The following GNA11 variants were observed in gnomAD, a reference collection of about 807,000 sequenced individuals.
The protein encoded by GNA11 is guanine nucleotide-binding protein subunit alpha-11.
Under a neutral mutation model 38.2 loss-of-function variants are expected in GNA11, and 8 were observed. That is an observed-to-expected ratio of 0.21 (90% CI 0.12 to 0.38). The LOEUF is 0.38. Ranked by LOEUF, GNA11 falls within the 10% of genes least tolerant of loss-of-function variation. The probability of loss-of-function intolerance (pLI) is 1.00; values close to 1 mark genes in which losing one functional copy is unlikely to be tolerated. For synonymous variants in GNA11, 211 were observed against 221.4 expected (o/e 0.95, Z 0.42); for missense variants, 268 against 516.3 (o/e 0.52, Z 4.66).
At chr19:3,105,700 C>G (rs1913623613) in intron 1 of GNA11, among the ~76,000 whole-genome samples, 1 of 152,186 alleles carries the variant, frequency 6.6e-6, no homozygotes, top group African/African-American at 2.4e-5. Context: ...GTGCGTTGCC[C>G]TTGGGGTGGC....
chr19:3,108,851 C>G lies in GNA11; in HGVS notation c.137-1298C>G, dbSNP rs1913697497. On this transcript the variant is annotated intron_variant, in intron 1 of 6. Transcript: ENST00000078429. This position sits in a 1 kb window ranked among gnomAD's most constrained non-coding sequence, Gnocchi z 4.5. Reference sequence around the variant, plus strand: ...AAGGCTGGACTGGAGCTGGAGGAGCCACTCACAAGTTGGCTCCCTCTAGTG... The same window carrying G: ...AAGGCTGGACTGGAGCTGGAGGAGCGACTCACAAGTTGGCTCCCTCTAGTG... Among the ~76,000 whole-genome samples the G allele has an allele frequency of 6.6e-6, 1 of 152,058 alleles. No individual in the cohort carries two copies. The highest frequency in any genetic ancestry group is 2.4e-5 in the African/African-American group (1 of 41,380).
chr19:3,120,850 C>T lies in GNA11; in HGVS notation c.890-139C>T. ...GGGAGGGAGGGGAGCTGCGGCCCGT[C>T]AGGCATGCAGTGGGCTGGGGGTCGA... is the stretch of plus-strand genomic sequence containing the variant. On this transcript the variant is annotated intron_variant, in intron 6 of 6. Coordinates refer to ENST00000078429, the MANE Select transcript of GNA11 (RefSeq NM_002067.5). The surrounding 1 kb of genome is among the most constrained non-coding windows in gnomAD (Gnocchi z 5.9). The T allele has an allele frequency of 1.6e-6, 1 of 612,288 alleles. No individual in the cohort carries two copies. The highest frequency in any genetic ancestry group is 2.9e-6 in the Non-Finnish European group (1 of 348,458). The allele number at this position is 612,288 out of a possible 1,614,324, so 37.9% of individuals were successfully genotyped here.
chr19:3,099,826 C>G (rs963832455), intron 1 of GNA11, among the ~76,000 whole-genome samples: 3 of 152,224 alleles, frequency 2.0e-5, no homozygotes, highest in Non-Finnish European at 4.4e-5. Flanking sequence ...GGGCCACCTG[C>G]AGGGCCTGGG....
At chr19:3,098,017 C>T (rs935711872) in intron 1 of GNA11, among the ~76,000 whole-genome samples, 6 of 152,234 alleles carry the variant, frequency 3.9e-5, no homozygotes, top group Admixed American at 6.5e-5. Context: ...GTAAAATGCT[C>T]GTGGCAAAGC....
At position 3,123,255 on chromosome 19, in the gene GNA11, G is replaced by T; in HGVS notation, c.*2076G>T. ...GGGGCGCTGCGGGGCTAAGTATTAGGCCTTCCCAGGGAGGGGGCGTGCCAA... is the reference window on the plus strand; with the variant it reads ...GGGGCGCTGCGGGGCTAAGTATTAGTCCTTCCCAGGGAGGGGGCGTGCCAA... On this transcript the variant is annotated 3_prime_UTR_variant, in exon 7 of 7. Coordinates refer to ENST00000078429, the MANE Select transcript of GNA11 (RefSeq NM_002067.5). The T allele has an allele frequency of 4.3e-6, 1 of 233,374 alleles. No individual in the cohort carries two copies. Among genetic ancestry groups the T allele is most frequent in the Non-Finnish European group, 8.5e-6 (1 of 118,110 alleles). The allele number at this position is 233,374 out of a possible 1,614,324, so 14.5% of individuals were successfully genotyped here. A position where few individuals can be genotyped will look rare whatever the true frequency, so the allele number is the denominator to read the frequency against.
In GNA11 at chr19:3,110,335, T is replaced by C. The variant is rs866002209; in HGVS notation, c.321+2T>C. On this transcript the variant is annotated splice_donor_variant, in intron 2 of 6. Transcript: ENST00000078429. LOFTEE classifies it high-confidence loss of function. The surrounding 1 kb of genome is among the most constrained non-coding windows in gnomAD (Gnocchi z 5.4). ...CTCTACAAGTACGAGCAGAACAAGG[T>C]GAGCCCGCGGGCGCCTGGGGAGGGG... 6.2e-7 allele frequency: 1 copy of C among 1,601,986 alleles called. No homozygotes were observed. The highest frequency in any genetic ancestry group is 1.1e-5 in the South Asian group (1 of 88,552).
In GNA11 at chr19:3,119,266, A is replaced by G; in HGVS notation, c.796A>G (p.Asn266Asp). 1.2e-6 allele frequency: 2 copies of G among 1,613,844 alleles called. No individual in the cohort carries two copies. The highest frequency in any genetic ancestry group is 1.1e-5 in the South Asian group (1 of 91,084). Residue 266 changes from asparagine to aspartate, a missense_variant, in exon 6 of 7, where the codon AAC becomes GAC. Physicochemically the swap from Asn to Asp is conservative, Grantham distance 23. This residue lies in a region of GNA11 where 92 missense variants were observed against 166.7 expected (regional missense o/e 0.55). Coordinates refer to ENST00000078429, the MANE Select transcript of GNA11 (RefSeq NM_002067.5). The surrounding 1 kb of genome is among the most constrained non-coding windows in gnomAD (Gnocchi z 4.6). ...CATCATCACCTACCCCTGGTTCCAG[A>G]ACTCCTCCGTCATCCTCTTCCTCAA... ...RTIITYPWFQ[N>D]SSVILFLNKK...
chr19:3,095,429 C>A (rs113367320), intron 1 of GNA11, among the ~76,000 whole-genome samples: 1 of 151,978 alleles, frequency 6.6e-6, no homozygotes, highest in Non-Finnish European at 1.5e-5. Flanking sequence ...GCACACTCAC[C>A]CCTCACTGCT....
At chr19:3,114,331 A>G (rs1913852826) in intron 3 of GNA11, among the ~76,000 whole-genome samples, 1 of 152,176 alleles carries the variant, frequency 6.6e-6, no homozygotes, top group South Asian at 2.1e-4. Context: ...CAAAAACGGG[A>G]AACTGTCCCA....
chr19:3,094,545 G>A lies in GNA11; in HGVS notation c.-107G>A, dbSNP rs1913311824. 3.0e-6 allele frequency: 1 copy of A among 330,406 alleles called. No homozygotes were observed. The highest frequency in any genetic ancestry group is 4.2e-6 in the Non-Finnish European group (1 of 236,098). 20.5% of individuals were successfully genotyped at this position (330,406 alleles called of 1,614,324 possible). A position where few individuals can be genotyped will look rare whatever the true frequency, so the allele number is the denominator to read the frequency against. On this transcript the variant is annotated 5_prime_UTR_variant, in exon 1 of 7. Transcript: ENST00000078429. The surrounding 1 kb of genome is among the most constrained non-coding windows in gnomAD (Gnocchi z 6.0). ...CCCGGGGCCGAGGGCCGGTGGCCGAGGCCGGAGGGCCGCGGCGGGCGGCGG... is the reference window on the plus strand; with the variant it reads ...CCCGGGGCCGAGGGCCGGTGGCCGAAGCCGGAGGGCCGCGGCGGGCGGCGG...
chr19:3,121,601 C>G lies in GNA11; in HGVS notation c.*422C>G, dbSNP rs978909660. 1.2e-4 allele frequency: 29 copies of G among 234,104 alleles called. No homozygotes were observed. Among genetic ancestry groups the G allele is most frequent in the Non-Finnish European group, 1.9e-4 (23 of 118,822 alleles). 14.5% of individuals were successfully genotyped at this position (234,104 alleles called of 1,614,324 possible). A position where few individuals can be genotyped will look rare whatever the true frequency, so the allele number is the denominator to read the frequency against. On this transcript the variant is annotated 3_prime_UTR_variant, in exon 7 of 7. Coordinates refer to ENST00000078429, the MANE Select transcript of GNA11 (RefSeq NM_002067.5). ...TGCAGCCAGTCACGCGCCCCCACAC[C>G]GCAGCCCCCCGTGGCTGTCCTTCCA...
At position 3,094,834 on chromosome 19, in the gene GNA11, G is replaced by A. The variant is rs767983484; in HGVS notation, c.136+47G>A. 7.1e-7 allele frequency: 1 copy of A among 1,410,734 alleles called. No individual in the cohort carries two copies. The highest frequency in any genetic ancestry group is 9.4e-7 in the Non-Finnish European group (1 of 1,064,416). 87.4% of individuals were successfully genotyped at this position (1,410,734 alleles called of 1,614,324 possible). A position where few individuals can be genotyped will look rare whatever the true frequency, so the allele number is the denominator to read the frequency against. ...GCCGGCTGCGGGCCCTGCCCTGCCT[G>A]TGCCTGCCCTGCCTGTCCGGGTCGG... is the stretch of plus-strand genomic sequence containing the variant. On this transcript the variant is annotated intron_variant, in intron 1 of 6. Transcript: ENST00000078429. This position sits in a 1 kb window ranked among gnomAD's most constrained non-coding sequence, Gnocchi z 6.0.
intron 1 of GNA11, among the ~76,000 whole-genome samples, chr19:3,095,558 C>T (rs989150304): frequency 1.3e-5 from 2 of 151,980 alleles, no homozygotes; most frequent in African/African-American, 4.8e-5. Flanking sequence ...TCCGTGTCCC[C>T]TATCCCCACA....
chr19:3,103,137 G>A (rs1421552865), intron 1 of GNA11, among the ~76,000 whole-genome samples: 2 of 152,166 alleles, frequency 1.3e-5, no homozygotes, highest in East Asian at 1.9e-4. Context: ...CCCAGGTGTC[G>A]GCTCCCAGGT....
intron 3 of GNA11, among the ~76,000 whole-genome samples, chr19:3,114,694 T>C (rs1442324409): frequency 2.0e-5 from 3 of 152,180 alleles, no homozygotes; most frequent in Admixed American, 2.0e-4. Context: ...CCTGGGACTT[T>C]CTCTTGTGCT....
intron 4 of GNA11, 168 bp from the exon 5 acceptor site, chr19:3,118,756 C>T (rs898165952): frequency 3.0e-5 from 19 of 630,348 alleles, no homozygotes; most frequent in Non-Finnish European, 4.7e-5. Flanking sequence ...GGAGGCGGTG[C>T]GGCCGCTCTC....
In GNA11 at chr19:3,119,667, T is replaced by G. The variant is rs1014306307; in HGVS notation, c.889+308T>G. On this transcript the variant is annotated intron_variant, in intron 6 of 6. Transcript: ENST00000078429. This position sits in a 1 kb window ranked among gnomAD's most constrained non-coding sequence, Gnocchi z 4.6. ...GGGGGATCTCGGGTGGGAGGAGTCT[T>G]GTACAAGGAGGGCACCATGGGAGGG... Among the ~76,000 whole-genome samples the G allele has an allele frequency of 1.3e-5, 2 of 149,882 alleles. No homozygotes were observed. Among genetic ancestry groups the G allele is most frequent in the Admixed American group, 6.6e-5 (1 of 15,110 alleles).
intron 1 of GNA11, among the ~76,000 whole-genome samples, chr19:3,103,870 G>A (rs897479756): frequency 6.6e-5 from 10 of 151,830 alleles, no homozygotes; most frequent in Admixed American, 2.0e-4. Flanking sequence ...TAGTTTTAGT[G>A]GAGACGCGGT....
At chr19:3,101,953 A>T (rs1913517445) in intron 1 of GNA11, among the ~76,000 whole-genome samples, 1 of 152,088 alleles carries the variant, frequency 6.6e-6, no homozygotes, top group South Asian at 2.1e-4. Context: ...AAAATTAGCC[A>T]GACTTGGTGA....
Sources: allele counts gnomAD v4.1 joint callset (sites outside exome capture counted in the v4.1 genomes callset), GRCh38; gene constraint gnomAD v4.1.1; regional missense constraint gnomAD v4.1.1; non-coding constraint Gnocchi (gnomAD v3.1); transcripts MANE v1.5; gene names NCBI Gene and HGNC (gene_info 2026-07-23, HGNC 2026-07-21).